TXNDC16: variants seen among roughly 807,000 people sequenced by gnomAD.
TXNDC16 encodes thioredoxin domain-containing protein 16.
In TXNDC16, 74 loss-of-function variants were observed where a neutral mutation model predicts 85.6. The observed-to-expected ratio is 0.86, with a 90% CI of 0.72 to 1.05. TXNDC16 has a LOEUF of 1.05. Among genes scored for constraint, TXNDC16 ranks in the 50% least tolerant of loss-of-function variants. The probability of loss-of-function intolerance (pLI) is 0.00; values close to 1 mark genes in which losing one functional copy is unlikely to be tolerated. For synonymous variants in TXNDC16, 335 were observed against 326.5 expected (o/e 1.03, Z -0.28); for missense variants, 959 against 947.0 (o/e 1.01, Z -0.17).
chr14:52,527,550 G>A (rs1475729615), intron 6 of TXNDC16, among the ~76,000 whole-genome samples: 1 of 152,148 alleles, frequency 6.6e-6, no homozygotes. Context: ...TTTATCTTCA[G>A]AGAGGAAGAG....
intron 16 of TXNDC16, among the ~76,000 whole-genome samples, chr14:52,461,720 G>A (rs1411355366): frequency 6.6e-6 from 1 of 152,218 alleles, no homozygotes; most frequent in Non-Finnish European, 1.5e-5. Context: ...GGCCAAGCAA[G>A]GAGGAACAAG....
At chr14:52,519,828 G>T (rs1037796275) in intron 6 of TXNDC16, among the ~76,000 whole-genome samples, 1 of 152,108 alleles carries the variant, frequency 6.6e-6, no homozygotes, top group Non-Finnish European at 1.5e-5. Context: ...ATTAAACATC[G>T]TTGCCTCAGA....
intron 6 of TXNDC16, among the ~76,000 whole-genome samples, chr14:52,527,533 T>C (rs1347220368): frequency 6.6e-6 from 1 of 152,180 alleles, no homozygotes; most frequent in Non-Finnish European, 1.5e-5. Flanking sequence ...CAGTAAAAGA[T>C]AAGCACTTTA....
In TXNDC16 at chr14:52,530,432, A is replaced by ATT. The variant is rs1566582628; in HGVS notation, c.392+6286_392+6287insAA. Among the ~76,000 whole-genome samples the ATT allele has an allele frequency of 1.9e-3, 36 of 18,810 alleles. 1 individual carries two copies. The highest frequency in any genetic ancestry group is 2.8e-3 in the African/African-American group (9 of 3,224). The allele number at this position is 18,810 out of a possible 152,430, so 12.3% of individuals were successfully genotyped here. On this transcript the variant is annotated intron_variant, in intron 6 of 20. Transcript: ENST00000281741. Reference sequence around the variant, plus strand: ...ATTATTATATAATATTATATATAATAATATATAATATATTATTATATAATA... The same window carrying ATT: ...ATTATTATATAATATTATATATAATATTATATATAATATATTATTATATAATA...
chr14:52,519,812 T>C (rs184675641), intron 6 of TXNDC16, among the ~76,000 whole-genome samples: 3 of 152,364 alleles, frequency 2.0e-5, no homozygotes, highest in Admixed American at 6.5e-5. Context: ...ATAAGTATGA[T>C]CTCAGATTAA....
intron 17 of TXNDC16, 42 bp downstream of exon 17, chr14:52,457,048 A>G (rs1306412766): frequency 4.5e-6 from 6 of 1,328,306 alleles, no homozygotes; most frequent in Non-Finnish European, 6.3e-6. Context: ...ATTATTTTGC[A>G]TAATTTCTCC....
At chr14:52,550,099 G>A (rs887359272) in intron 1 of TXNDC16, among the ~76,000 whole-genome samples, 2 of 151,998 alleles carry the variant, frequency 1.3e-5, no homozygotes, top group African/African-American at 2.4e-5. Flanking sequence ...CCCTTTATAG[G>A]CCTAATATTC....
chr14:52,495,305 T>G lies in TXNDC16; in HGVS notation c.757-4300A>C, dbSNP rs376365738. On this transcript the variant is annotated intron_variant, in intron 9 of 20. Transcript: ENST00000281741. ...CAGGGCTGTGGTCTAAGGGCCTTGA[T>G]TCTCCTTTTTATGGGCTTCTCCTCA... Among the ~76,000 whole-genome samples, 10 of 152,282 alleles carry G rather than the reference T, an allele frequency of 6.6e-5. No individual in the cohort carries two copies. The South Asian group carries it at 8.3e-4, about 13-fold the overall frequency.
intron 18 of TXNDC16, among the ~76,000 whole-genome samples, chr14:52,446,466 G>A (rs1195607323): frequency 6.6e-6 from 1 of 152,104 alleles, no homozygotes; most frequent in South Asian, 2.1e-4. Context: ...GTGTGCTGGG[G>A]CCCAAATAAA....
At chr14:52,453,651 G>A (rs900476279) in intron 18 of TXNDC16, among the ~76,000 whole-genome samples, 1 of 152,160 alleles carries the variant, frequency 6.6e-6, no homozygotes, top group South Asian at 2.1e-4. Flanking sequence ...CATGGAGATA[G>A]AGAAAAGGAT....
At chr14:52,522,968 A>C (rs1277587786) in intron 6 of TXNDC16, among the ~76,000 whole-genome samples, 2 of 152,204 alleles carry the variant, frequency 1.3e-5, no homozygotes, top group African/African-American at 2.4e-5. Flanking sequence ...TTAAGTAGTC[A>C]TTATCCATGA....
chr14:52,468,939 T>C (rs1306577903), intron 16 of TXNDC16, among the ~76,000 whole-genome samples: 1 of 151,938 alleles, frequency 6.6e-6, no homozygotes, highest in Non-Finnish European at 1.5e-5. Flanking sequence ...AGACATACGT[T>C]ATTCTATTGG....
intron 1 of TXNDC16, among the ~76,000 whole-genome samples, chr14:52,551,500 C>A (rs2038047616): frequency 6.7e-6 from 1 of 148,538 alleles, no homozygotes; most frequent in African/African-American, 2.5e-5. Flanking sequence ...AAGCATAGGA[C>A]AAAGGATGGT....
rs1424870386 is a variant in TXNDC16, at chr14:52,491,082, T to C, written c.757-77A>G. ...TGGATTTAAATTCTCCTAATTCTTATTAATAAAGTCATGAGTAAAAAAAAG... is the reference window on the plus strand; with the variant it reads ...TGGATTTAAATTCTCCTAATTCTTACTAATAAAGTCATGAGTAAAAAAAAG... On this transcript the variant is annotated intron_variant, in intron 9 of 20. Transcript: ENST00000281741. The C allele has an allele frequency of 1.2e-5, 18 of 1,457,970 alleles. No individual in the cohort carries two copies. In the East Asian group the frequency reaches 3.5e-4, roughly 28 times the overall value. 90.3% of individuals were successfully genotyped at this position (1,457,970 alleles called of 1,614,324 possible).
At chr14:52,462,879 G>C (rs1380575196) in intron 16 of TXNDC16, 2 of 453,594 alleles carry the variant, frequency 4.4e-6, no homozygotes, top group South Asian at 1.6e-5. Context: ...GGAGTACTCA[G>C]TTCTTCAGAA....
intron 7 of TXNDC16, among the ~76,000 whole-genome samples, 174 bp from the exon 8 acceptor site, chr14:52,515,144 A>C (rs1291055334): frequency 1.3e-5 from 2 of 152,192 alleles, no homozygotes; most frequent in African/African-American, 4.8e-5. Flanking sequence ...AAGTTATAAA[A>C]AGTCTATTCT....
chr14:52,491,047 T>G (rs1226532676), intron 9 of TXNDC16, 42 bp from the exon 10 acceptor site: 1 of 1,541,690 alleles, frequency 6.5e-7, no homozygotes, highest in Non-Finnish European at 8.7e-7. Context: ...GATAACAATA[T>G]TCCAACATTT....
chr14:52,505,645 A>C (rs997235230), intron 9 of TXNDC16, among the ~76,000 whole-genome samples: 4 of 152,230 alleles, frequency 2.6e-5, no homozygotes, highest in African/African-American at 9.6e-5. Flanking sequence ...CTAACATCAC[A>C]ATTAAAAGAA....
At chr14:52,441,914 C>T (rs1182514526) in intron 18 of TXNDC16, among the ~76,000 whole-genome samples, 2 of 152,106 alleles carry the variant, frequency 1.3e-5, no homozygotes, top group Non-Finnish European at 2.9e-5. Flanking sequence ...TCTATTCTCT[C>T]TTTCACACCT....
Sources: gnomAD v4.1 joint callset for allele counts (sites outside exome capture counted in the v4.1 genomes callset) on GRCh38, gnomAD v4.1.1 for gene constraint, MANE v1.5 for transcripts, NCBI Gene and HGNC (gene_info 2026-07-23, HGNC 2026-07-21) for gene names.